Variants in NTM observed in about 807,000 individuals in gnomAD.
The protein encoded by NTM is IgLON family member 2.
A neutral mutation model predicts 42.1 loss-of-function variants in NTM; 13 were observed. The ratio of observed to expected loss-of-function variants is 0.31; its 90% CI spans 0.20 to 0.49. The LOEUF (loss-of-function observed/expected upper bound fraction) is 0.49, where lower values mean the gene tolerates loss of function less well. NTM is among the 20% of genes least tolerant of loss of function. The probability of loss-of-function intolerance (pLI) is 0.99; values close to 1 mark genes in which losing one functional copy is unlikely to be tolerated. For synonymous variants in NTM, 187 were observed against 179.2 expected, an observed-to-expected ratio of 1.04 and a Z score of -0.35; for missense variants, 373 against 452.8, an observed-to-expected ratio of 0.82 and a Z score of 1.60.
chr11:131,767,111 G>GT, intron 1 of NTM: 1 of 979,998 alleles, frequency 1.0e-6, no homozygotes, highest in Non-Finnish European at 1.2e-6. Context: ...AAGGCAGTAA[G>GT]TAAGTCTCAT....
intron 1 of NTM, among the ~76,000 whole-genome samples, chr11:131,419,642 G>A (rs1244852790): frequency 6.6e-6 from 1 of 152,068 alleles, no homozygotes; most frequent in South Asian, 2.1e-4. Context: ...TGGAATGAAA[G>A]GGAAGGGGAC....
chr11:131,388,817 G>A (rs1268727734), intron 1 of NTM, among the ~76,000 whole-genome samples: 1 of 151,670 alleles, frequency 6.6e-6, no homozygotes, highest in African/African-American at 2.4e-5. Flanking sequence ...TTTGAGACCA[G>A]CCTGGCCAAC....
chr11:131,809,546 C>A (rs1362929113), intron 1 of NTM, among the ~76,000 whole-genome samples: 1 of 152,208 alleles, frequency 6.6e-6, no homozygotes, highest in Non-Finnish European at 1.5e-5. Flanking sequence ...TTATGCCCAG[C>A]ACTTCAAACT....
At chr11:131,437,896 G>T (rs1949285789) in intron 1 of NTM, among the ~76,000 whole-genome samples, 1 of 152,184 alleles carries the variant, frequency 6.6e-6, no homozygotes, top group South Asian at 2.1e-4. Context: ...TTTACAATCT[G>T]GCATGTTTTT....
At chr11:132,071,307 A>T (rs2057626038) in intron 2 of NTM, among the ~76,000 whole-genome samples, 1 of 123,388 alleles carries the variant, frequency 8.1e-6, no homozygotes, top group Non-Finnish European at 1.7e-5. Flanking sequence ...AGCCAAGTTA[A>T]CACGTCACAC....
At chr11:131,767,110 A>C (rs1320152891) in intron 1 of NTM, 2 of 979,584 alleles carry the variant, frequency 2.0e-6, no homozygotes, top group African/African-American at 3.5e-5. Context: ...CAAGGCAGTA[A>C]GTAAGTCTCA....
At chr11:131,656,387 GC>G (rs1426514590) in intron 1 of NTM, among the ~76,000 whole-genome samples, 1 of 152,198 alleles carries the variant, frequency 6.6e-6, no homozygotes, top group African/African-American at 2.4e-5. Context: ...AGACACAGAA[GC>G]AACTCTCGCT....
chr11:131,497,975 C>T (rs1401027544), intron 1 of NTM, among the ~76,000 whole-genome samples: 11 of 152,168 alleles, frequency 7.2e-5, no homozygotes, highest in Admixed American at 7.2e-4. Context: ...GTGGTCCAAC[C>T]CTAGCCAACA....
intron 4 of NTM, among the ~76,000 whole-genome samples, chr11:132,293,700 T>G (rs1431882168): frequency 6.6e-6 from 1 of 152,112 alleles, no homozygotes. Context: ...TTTTTACATT[T>G]TTAAATAATT....
At chr11:132,210,485 A>G (rs1260015646) in intron 3 of NTM, among the ~76,000 whole-genome samples, 3 of 152,238 alleles carry the variant, frequency 2.0e-5, no homozygotes, top group Non-Finnish European at 2.9e-5. Flanking sequence ...GGTCATCAGA[A>G]AGCTCATGGC....
chr11:131,375,607 G>A (rs1039504610), intron 1 of NTM, among the ~76,000 whole-genome samples: 3 of 152,114 alleles, frequency 2.0e-5, no homozygotes, highest in Non-Finnish European at 4.4e-5. Flanking sequence ...TTTGCAAAAG[G>A]AGGCTTCAGT....
At chr11:132,153,923 A>T (rs997176731) in intron 3 of NTM, among the ~76,000 whole-genome samples, 3 of 152,216 alleles carry the variant, frequency 2.0e-5, no homozygotes, top group Non-Finnish European at 4.4e-5. Flanking sequence ...TACCTGCAAG[A>T]TTAGACAAAA....
chr11:132,053,007 T>C (rs2079081524), intron 2 of NTM, among the ~76,000 whole-genome samples: 1 of 152,172 alleles, frequency 6.6e-6, no homozygotes, highest in Admixed American at 6.5e-5. Context: ...GTGCTACCCA[T>C]CTTGTTTGTA....
intron 3 of NTM, among the ~76,000 whole-genome samples, chr11:132,161,986 C>T (rs193023611): frequency 1.2e-3 from 185 of 152,286 alleles, no homozygotes; most frequent in African/African-American, 4.2e-3. Context: ...CATCCAACCC[C>T]GGTTGAAATT....
At chr11:131,429,182 G>A (rs1256298934) in intron 1 of NTM, among the ~76,000 whole-genome samples, 1 of 152,210 alleles carries the variant, frequency 6.6e-6, no homozygotes, top group East Asian at 1.9e-4. Flanking sequence ...GGGATTGAGG[G>A]ATGGTGACAA....
At chr11:131,806,688 C>T (rs2092503995) in intron 1 of NTM, among the ~76,000 whole-genome samples, 2 of 152,088 alleles carry the variant, frequency 1.3e-5, no homozygotes, top group Admixed American at 1.3e-4. Flanking sequence ...TTTATGCTTC[C>T]AGGTCTAATG....
At chr11:131,965,255 C>T (rs112956802) in intron 2 of NTM, among the ~76,000 whole-genome samples, 134 of 152,208 alleles carry the variant, frequency 8.8e-4, no homozygotes, top group Admixed American at 4.4e-3. Context: ...AGGAAAGGAG[C>T]TCTGATCTGT....
chr11:132,216,532 G>A (rs1225186431), intron 4 of NTM, among the ~76,000 whole-genome samples: 2 of 152,152 alleles, frequency 1.3e-5, no homozygotes, highest in Admixed American at 6.5e-5. Context: ...TAGATAACAC[G>A]TTGTACTGAG....
At chr11:131,423,834 T>C (rs1947784790) in intron 1 of NTM, among the ~76,000 whole-genome samples, 1 of 152,186 alleles carries the variant, frequency 6.6e-6, no homozygotes, top group Admixed American at 6.5e-5. Context: ...CCATCTCTTA[T>C]CTAGGAAGGG....
Sources: allele counts gnomAD v4.1 joint callset (sites outside exome capture counted in the v4.1 genomes callset), GRCh38; gene constraint gnomAD v4.1.1; transcripts MANE v1.5; gene names NCBI Gene and HGNC (gene_info 2026-07-23, HGNC 2026-07-21).